Variants in DPP10 observed in about 807,000 individuals in gnomAD.
The protein encoded by DPP10 is inactive dipeptidyl peptidase 10.
DPP10 carries 33 observed loss-of-function variants against 120.9 expected under a neutral mutation model. The observed-to-expected ratio is 0.27, with a 90% confidence interval of 0.21 to 0.37. The LOEUF is 0.37. Ranked by LOEUF, DPP10 falls within the 10% of genes least tolerant of loss-of-function variation. The pLI is 1.00. For synonymous variants in DPP10, 337 were observed against 326.1 expected (o/e 1.03, Z -0.36); for missense variants, 816 against 942.8 (o/e 0.87, Z 1.76).
At position 115,782,457 on chromosome 2, in the gene DPP10, G is replaced by A. The variant is rs1023171104; in HGVS notation, c.1531+58G>A. 1.6e-5 allele frequency: 23 copies of A among 1,477,672 alleles called. 1 individual carries two copies. The highest frequency in any genetic ancestry group is 2.8e-5 in the African/African-American group (2 of 72,040). 91.5% of individuals were successfully genotyped at this position (1,477,672 alleles called of 1,614,324 possible). A position where few individuals can be genotyped will look rare whatever the true frequency, so the allele number is the denominator to read the frequency against. ...ATGGTTGGCATTAGTCTTAGACATC[G>A]TGTTATCTATTCTGAGTCATATCCT... On this transcript the variant is annotated intron_variant, in intron 17 of 25. Coordinates refer to ENST00000410059, the MANE Select transcript of DPP10 (RefSeq NM_020868.6).
intron 1 of DPP10, among the ~76,000 whole-genome samples, chr2:114,494,121 A>AAAAAAAC (rs1553450295): frequency 2.7e-5 from 4 of 147,474 alleles, no homozygotes; most frequent in African/African-American, 1.0e-4. Flanking sequence ...AAAAAAAAAA[A>AAAAAAAC]CCCAGCAAAT....
At chr2:115,553,865 C>G (rs1323736064) in intron 5 of DPP10, among the ~76,000 whole-genome samples, 1 of 151,276 alleles carries the variant, frequency 6.6e-6, no homozygotes, top group Non-Finnish European at 1.5e-5. Flanking sequence ...TCTTATTATA[C>G]TATTCAAACA....
At chr2:115,580,131 T>C (rs894324779) in intron 5 of DPP10, 4 of 152,190 alleles carry the variant, frequency 2.6e-5, no homozygotes, top group African/African-American at 9.7e-5. Context: ...GCAAAGGATA[T>C]GGTCTTGTTC....
At chr2:115,159,583 C>T (rs925346107) in intron 1 of DPP10, among the ~76,000 whole-genome samples, 12 of 151,868 alleles carry the variant, frequency 7.9e-5, no homozygotes, top group Admixed American at 7.2e-4. Flanking sequence ...TGGGAAAATC[C>T]GTTTACATGT....
intron 5 of DPP10, among the ~76,000 whole-genome samples, chr2:115,667,435 T>G (rs2089543493): frequency 6.6e-6 from 1 of 152,238 alleles, no homozygotes; most frequent in African/African-American, 2.4e-5. Flanking sequence ...ATGTCCAGAA[T>G]AGTATTTCCT....
At chr2:115,261,153 A>AC (rs1360921283) in intron 1 of DPP10, among the ~76,000 whole-genome samples, 2 of 152,206 alleles carry the variant, frequency 1.3e-5, no homozygotes, top group East Asian at 3.9e-4. Flanking sequence ...AACAACAACA[A>AC]AAAACGCAGA....
intron 1 of DPP10, among the ~76,000 whole-genome samples, chr2:114,878,050 AC>A (rs1372021765): frequency 6.6e-6 from 1 of 152,140 alleles, no homozygotes; most frequent in African/African-American, 2.4e-5. Flanking sequence ...AAATGACATT[AC>A]CAAAAAAAAC....
chr2:115,232,441 A>G (rs1574096716), intron 1 of DPP10, among the ~76,000 whole-genome samples: 1 of 152,270 alleles, frequency 6.6e-6, no homozygotes, highest in East Asian at 1.9e-4. Context: ...CTTTCTGTTT[A>G]ATTATTTTGC....
Position 114,621,196 on chromosome 2 carries a change from A to G in DPP10, c.60+178358A>G, listed in dbSNP as rs373938707. On this transcript the variant is annotated intron_variant, in intron 1 of 25. Transcript: ENST00000410059. The stretch of plus-strand genomic sequence containing the variant: ...ACAGCTGGATGTTAGGCAAATGCTT[A>G]TTATGTGTAGTGTTTACTTTTCCAG... Among the ~76,000 whole-genome samples, 24 of 152,206 alleles carry G rather than the reference A, an allele frequency of 1.6e-4. No homozygotes were observed. In the East Asian group the frequency reaches 3.7e-3, roughly 23 times the overall value.
At chr2:115,266,706 A>G (rs1392346322) in intron 1 of DPP10, among the ~76,000 whole-genome samples, 1 of 152,176 alleles carries the variant, frequency 6.6e-6, no homozygotes, top group Non-Finnish European at 1.5e-5. Context: ...GACAATGCAA[A>G]TGGCTTCATA....
chr2:115,609,500 G>C (rs1284949442), intron 5 of DPP10, among the ~76,000 whole-genome samples: 1 of 151,878 alleles, frequency 6.6e-6, no homozygotes, highest in Non-Finnish European at 1.5e-5. Flanking sequence ...AACTAACCCA[G>C]ATAAAAAGAA....
chr2:114,467,087 T>C (rs1261400748), intron 1 of DPP10, among the ~76,000 whole-genome samples: 1 of 151,670 alleles, frequency 6.6e-6, no homozygotes, highest in Non-Finnish European at 1.5e-5. Flanking sequence ...AGCCCTACAC[T>C]GACAGGTGCC....
chr2:115,712,294 A>G (rs2092344003), intron 7 of DPP10, among the ~76,000 whole-genome samples: 1 of 149,860 alleles, frequency 6.7e-6, no homozygotes, highest in Non-Finnish European at 1.5e-5. Flanking sequence ...TCACACTCCT[A>G]TGAGAACCTC....
chr2:114,651,446 C>T (rs553964604), intron 1 of DPP10, among the ~76,000 whole-genome samples: 4 of 152,248 alleles, frequency 2.6e-5, no homozygotes, highest in South Asian at 4.1e-4. Context: ...TGCTAAAACA[C>T]GATTGTTGCA....
At chr2:114,696,816 C>A (rs1434449993) in intron 1 of DPP10, among the ~76,000 whole-genome samples, 1 of 151,892 alleles carries the variant, frequency 6.6e-6, no homozygotes, top group African/African-American at 2.4e-5. Flanking sequence ...TTGAAAAAAG[C>A]ACCATGGTAT....
intron 1 of DPP10, among the ~76,000 whole-genome samples, chr2:114,475,488 T>C (rs1358104366): frequency 1.3e-5 from 2 of 152,102 alleles, no homozygotes; most frequent in Non-Finnish European, 2.9e-5. Context: ...TCTCTGCCCC[T>C]CTCTCTCTGT....
chr2:115,531,466 GT>G (rs1407727947), intron 5 of DPP10, among the ~76,000 whole-genome samples: 1 of 151,954 alleles, frequency 6.6e-6, no homozygotes, highest in Non-Finnish European at 1.5e-5. Flanking sequence ...GATCTACCCT[GT>G]TTTTCTTTAG....
chr2:115,327,724 G>A (rs775925070), intron 2 of DPP10, among the ~76,000 whole-genome samples: 1 of 151,978 alleles, frequency 6.6e-6, no homozygotes, highest in Non-Finnish European at 1.5e-5. Context: ...ATGCACTGGT[G>A]TTATTTTATT....
intron 9 of DPP10, among the ~76,000 whole-genome samples, chr2:115,742,783 C>T (rs1317614865): frequency 6.6e-6 from 1 of 152,012 alleles, no homozygotes; most frequent in Non-Finnish European, 1.5e-5. Flanking sequence ...ACTGAAACAA[C>T]ACATAGAGTT....
Sources: gnomAD v4.1 joint callset for allele counts (sites outside exome capture counted in the v4.1 genomes callset) on GRCh38, gnomAD v4.1.1 for gene constraint, MANE v1.5 for transcripts, NCBI Gene and HGNC (gene_info 2026-07-23, HGNC 2026-07-21) for gene names.